Variants in NEK10 observed in about 807,000 individuals in gnomAD.
NEK10 encodes serine/threonine-protein kinase Nek10.
In NEK10, 122 loss-of-function variants were observed where a neutral mutation model predicts 159.8. The ratio of observed to expected loss-of-function variants is 0.76; its 90% CI spans 0.66 to 0.89. The LOEUF is 0.89. Among genes scored for constraint, NEK10 ranks in the 40% least tolerant of loss-of-function variants. The probability of loss-of-function intolerance (pLI) is 0.00; values close to 1 mark genes in which losing one functional copy is unlikely to be tolerated. For missense variants in NEK10, 1,342 were observed against 1,323.1 expected (o/e 1.01, Z -0.22); for synonymous variants, 466 against 457.1 (o/e 1.02, Z -0.25).
chr3:27,235,802 AC>A (rs1343694741), intron 23 of NEK10, among the ~76,000 whole-genome samples: 1 of 152,150 alleles, frequency 6.6e-6, no homozygotes, highest in African/African-American at 2.4e-5. Flanking sequence ...TTATAAAGAA[AC>A]ATGCATGCAC....
At chr3:27,238,790 T>C (rs1394072637) in intron 23 of NEK10, among the ~76,000 whole-genome samples, 1 of 139,184 alleles carries the variant, frequency 7.2e-6, no homozygotes, top group Non-Finnish European at 1.6e-5. Context: ...TGTGTGTGTG[T>C]ATGTGAAGCA....
chr3:27,327,943 A>AG lies in NEK10; in HGVS notation c.363-5683_363-5682insC, dbSNP rs556971098. Among the ~76,000 whole-genome samples the AG allele has an allele frequency of 1.2e-3, 187 of 152,210 alleles. No homozygotes were observed. The Middle Eastern group carries it at 0.017, about 14-fold the overall frequency. On this transcript the variant is annotated intron_variant, in intron 5 of 35. Transcript: ENST00000691995. Reference sequence around the variant, plus strand: ...ACATCTATGCAAAACTTAAAAAAAAAAAAACAAGAATATATGTGAAGAAAT... The same window carrying AG: ...ACATCTATGCAAAACTTAAAAAAAAAGAAAACAAGAATATATGTGAAGAAAT...
intron 28 of NEK10, among the ~76,000 whole-genome samples, chr3:27,172,108 G>A (rs1449722514): frequency 6.6e-6 from 1 of 151,902 alleles, no homozygotes; most frequent in Non-Finnish European, 1.5e-5. Context: ...TGAGGCCGAG[G>A]TAGATGAATC....
chr3:27,243,833 GTGTGT>G (rs1954801526), intron 23 of NEK10, among the ~76,000 whole-genome samples: 6 of 26,256 alleles, frequency 2.3e-4, no homozygotes, highest in African/African-American at 7.6e-4. Flanking sequence ...CACCATGGGT[GTGTGT>G]GTGTGTGTGT....
intron 22 of NEK10, among the ~76,000 whole-genome samples, chr3:27,263,498 A>T (rs1255285505): frequency 1.3e-5 from 2 of 151,798 alleles, no homozygotes; most frequent in African/African-American, 4.8e-5. Flanking sequence ...TTGTTTACCT[A>T]CTCAAGCCTC....
chr3:27,365,343 G>A (rs2048978781), intron 1 of NEK10, among the ~76,000 whole-genome samples: 4 of 151,960 alleles, frequency 2.6e-5, no homozygotes, highest in African/African-American at 9.7e-5. Context: ...TTGTCATTTT[G>A]TCACTTTGAT....
intron 25 of NEK10, among the ~76,000 whole-genome samples, chr3:27,200,056 C>T (rs531918838): frequency 6.3e-4 from 96 of 152,176 alleles, no homozygotes; most frequent in African/African-American, 2.3e-3. Context: ...AACAAACCCC[C>T]ATGACACAAG....
chr3:27,331,379 A>T (rs1028364757), intron 5 of NEK10, among the ~76,000 whole-genome samples: 4 of 152,102 alleles, frequency 2.6e-5, no homozygotes, highest in Admixed American at 2.0e-4. Flanking sequence ...GGCTTTACCA[A>T]GGTGACCAGG....
chr3:27,343,643 G>A (rs76895135), intron 5 of NEK10, among the ~76,000 whole-genome samples: 2,224 of 152,258 alleles, frequency 0.015, 31 homozygotes, highest in Middle Eastern at 0.034. Flanking sequence ...CTTCTATGAA[G>A]CAGCTCAGAA....
intron 26 of NEK10, among the ~76,000 whole-genome samples, chr3:27,178,408 T>C (rs1371226757): frequency 1.3e-5 from 2 of 152,198 alleles, no homozygotes; most frequent in Non-Finnish European, 2.9e-5. Flanking sequence ...ATAGATGCTT[T>C]ACTTTAGAAC....
intron 20 of NEK10, among the ~76,000 whole-genome samples, chr3:27,285,171 T>C (rs1364020633): frequency 2.0e-5 from 3 of 152,172 alleles, no homozygotes; most frequent in Admixed American, 6.5e-5. Context: ...GCCACAGTTA[T>C]CTTCTGGCTA....
At chr3:27,264,765 G>C (rs529727346) in intron 22 of NEK10, among the ~76,000 whole-genome samples, 5 of 151,968 alleles carry the variant, frequency 3.3e-5, no homozygotes, top group African/African-American at 1.2e-4. Context: ...GTGGTGGCAG[G>C]TGCCTGTAAT....
chr3:27,174,665 C>G lies in NEK10; in HGVS notation c.2674G>C (p.Glu892Gln). The change falls in exon 27 of 36, where the codon GAA becomes CAA. Residue 892 changes from glutamate (E) to glutamine (Q), a missense_variant. Glu to Gln is a conservative substitution (Grantham distance 29). Coordinates refer to ENST00000691995, the MANE Select transcript of NEK10 (RefSeq NM_001394966.1). The part of the protein sequence containing the change: ...EILSDDNFNL[E>Q]NAEKDTYSEV... ...CTAGCAGTACCTTTCTCAGCATTTT[C>G]CAGGTTGAAGTTATCATCTGACAGG... 1 of 1,610,034 alleles carries G rather than the reference C, an allele frequency of 6.2e-7. No individual in the cohort carries two copies. Among genetic ancestry groups the G allele is most frequent in the Non-Finnish European group, 8.5e-7 (1 of 1,178,614 alleles).
At position 27,115,997 on chromosome 3, in the gene NEK10, T is replaced by A. The variant is rs1940361281; in HGVS notation, c.3244-2A>T. ...CTCAAGGACTTCTTCAATCACAGTC[T>A]AAAATTTTAAAAATCAGGTTAGTAT... is the stretch of plus-strand genomic sequence containing the variant. On this transcript the variant is annotated splice_acceptor_variant, in intron 34 of 35. Transcript: ENST00000691995. LOFTEE classifies it high-confidence loss of function. 1 of 1,612,908 alleles carries A rather than the reference T, an allele frequency of 6.2e-7. No homozygotes were observed. The highest frequency in any genetic ancestry group is 1.1e-5 in the South Asian group (1 of 91,024).
intron 23 of NEK10, among the ~76,000 whole-genome samples, chr3:27,240,878 T>C (rs1425865348): frequency 6.6e-6 from 1 of 152,162 alleles, no homozygotes; most frequent in Non-Finnish European, 1.5e-5. Flanking sequence ...GGTCTCGAAC[T>C]CCTGACCTCA....
At chr3:27,339,318 C>G (rs776282532) in intron 5 of NEK10, among the ~76,000 whole-genome samples, 7 of 152,096 alleles carry the variant, frequency 4.6e-5, no homozygotes, top group Non-Finnish European at 8.8e-5. Context: ...GGTCTAATAT[C>G]CAGAATCTAC....
chr3:27,252,540 A>T (rs1000714641), intron 23 of NEK10, among the ~76,000 whole-genome samples: 1 of 152,228 alleles, frequency 6.6e-6, no homozygotes, highest in Admixed American at 6.5e-5. Context: ...ATTACTTGTG[A>T]GTTTTAAAGT....
intron 13 of NEK10, among the ~76,000 whole-genome samples, chr3:27,299,222 C>T (rs1197926702): frequency 6.6e-6 from 1 of 152,178 alleles, no homozygotes; most frequent in African/African-American, 2.4e-5. Context: ...AGTCTAGGGA[C>T]TTGGTGCCCT....
At chr3:27,289,521 A>G (rs1013946167) in intron 19 of NEK10, among the ~76,000 whole-genome samples, 4 of 152,250 alleles carry the variant, frequency 2.6e-5, no homozygotes, top group African/African-American at 9.6e-5. Context: ...GCTAAAACAA[A>G]TAATCTACTG....
Sources: gnomAD v4.1 joint callset for allele counts (sites outside exome capture counted in the v4.1 genomes callset) on GRCh38, gnomAD v4.1.1 for gene constraint, MANE v1.5 for transcripts, NCBI Gene and HGNC (gene_info 2026-07-23, HGNC 2026-07-21) for gene names.